Variants in THADA observed in about 807,000 individuals in gnomAD.
THADA encodes the protein tRNA (32-2'-O)-methyltransferase regulator THADA.
A neutral mutation model predicts 219.8 loss-of-function variants in THADA; 213 were observed. The observed-to-expected ratio is 0.97, with a 90% CI of 0.87 to 1.09. The LOEUF (loss-of-function observed/expected upper bound fraction) is 1.09. Among genes scored for constraint, THADA ranks in the 50% least tolerant of loss-of-function variants. The probability of loss-of-function intolerance (pLI) is 0.00; values close to 1 mark genes in which losing one functional copy is unlikely to be tolerated. For missense variants in THADA, 2,956 were observed against 2,311.3 expected, an observed-to-expected ratio of 1.28 and a Z score of -5.72; for synonymous variants, 1,018 against 828.9, an observed-to-expected ratio of 1.23 and a Z score of -3.92.
intron 36 of THADA, among the ~76,000 whole-genome samples, chr2:43,258,503 C>T (rs562796427): frequency 6.6e-6 from 1 of 152,172 alleles, no homozygotes; most frequent in African/African-American, 2.4e-5. Context: ...GCCCAGGCAA[C>T]AAGAGTGAAA....
At chr2:43,262,687 T>C (rs1448336192) in intron 36 of THADA, among the ~76,000 whole-genome samples, 1 of 152,252 alleles carries the variant, frequency 6.6e-6, no homozygotes, top group Non-Finnish European at 1.5e-5. Flanking sequence ...TCAGTTATAT[T>C]AGTAGTTACT....
At chr2:43,299,517 C>T (rs960810493) in intron 31 of THADA, among the ~76,000 whole-genome samples, 2 of 151,586 alleles carry the variant, frequency 1.3e-5, no homozygotes, top group African/African-American at 4.9e-5. Flanking sequence ...CAAAAATTAG[C>T]TGGGCGTGAT....
At chr2:43,318,547 C>T (rs1020733508) in intron 31 of THADA, among the ~76,000 whole-genome samples, 2 of 151,970 alleles carry the variant, frequency 1.3e-5, no homozygotes, top group Non-Finnish European at 2.9e-5. Flanking sequence ...TTGGACCAAC[C>T]ACATCTCAAG....
intron 26 of THADA, among the ~76,000 whole-genome samples, chr2:43,469,841 T>C (rs1684693431): frequency 1.3e-5 from 2 of 152,218 alleles, no homozygotes; most frequent in African/African-American, 2.4e-5. Context: ...TAGATGGGTA[T>C]GACTTTAGAC....
chr2:43,586,287 T>A lies in THADA; in HGVS notation c.533+114A>T, dbSNP rs967255604. 3 of 877,304 alleles carry A rather than the reference T, an allele frequency of 3.4e-6. No individual in the cohort carries two copies. In the African/African-American group the frequency reaches 5.3e-5, roughly 16 times the overall value. 54.3% of individuals were successfully genotyped at this position (877,304 alleles called of 1,614,324 possible). The stretch of plus-strand genomic sequence containing the variant: ...CTCAAAAAAAATATAAAAGTGATAA[T>A]ATTAATGAAAAGGGATGAAAAGATC... On this transcript the variant is annotated intron_variant, in intron 7 of 37. Coordinates refer to ENST00000405975, the MANE Select transcript of THADA (RefSeq NM_022065.5).
intron 29 of THADA, among the ~76,000 whole-genome samples, chr2:43,348,060 G>A (rs139311946): frequency 2.0e-5 from 3 of 152,242 alleles, no homozygotes; most frequent in East Asian, 1.9e-4. Context: ...TGAAACCAGC[G>A]GCTCAAAACC....
intron 21 of THADA, among the ~76,000 whole-genome samples, chr2:43,530,873 A>G (rs1378857575): frequency 6.6e-6 from 1 of 152,250 alleles, no homozygotes; most frequent in East Asian, 1.9e-4. Flanking sequence ...TCCTGGGCAC[A>G]GAAAACAGAT....
intron 29 of THADA, among the ~76,000 whole-genome samples, chr2:43,392,191 A>G (rs749616451): frequency 1.3e-5 from 2 of 152,234 alleles, no homozygotes; most frequent in Non-Finnish European, 2.9e-5. Context: ...TGTAGTTTTA[A>G]GAAATATAAA....
chr2:43,535,010 A>AT (rs1223667163), intron 21 of THADA, among the ~76,000 whole-genome samples: 1 of 151,554 alleles, frequency 6.6e-6, no homozygotes, highest in Non-Finnish European at 1.5e-5. Flanking sequence ...ATCATTTGTT[A>AT]TTTTTTTGTC....
chr2:43,491,768 T>C (rs1382416185), intron 25 of THADA, among the ~76,000 whole-genome samples: 1 of 152,182 alleles, frequency 6.6e-6, no homozygotes, highest in African/African-American at 2.4e-5. Context: ...AAACAACAGA[T>C]TTCTCAGAAT....
intron 30 of THADA, among the ~76,000 whole-genome samples, chr2:43,338,508 T>C (rs1164058729): frequency 1.3e-5 from 2 of 152,158 alleles, no homozygotes; most frequent in Non-Finnish European, 2.9e-5. Flanking sequence ...CATTAAACAA[T>C]GCCCCATTTC....
chr2:43,532,451 A>G (rs2103758089), intron 21 of THADA, among the ~76,000 whole-genome samples: 1 of 151,574 alleles, frequency 6.6e-6, no homozygotes, highest in African/African-American at 2.4e-5. Context: ...TTCAACATAC[A>G]CAAATCAATA....
rs781631410 is a variant in THADA, at chr2:43,398,018, T to C, written c.4180A>G (p.Thr1394Ala). 1.6e-5 allele frequency: 26 copies of C among 1,613,874 alleles called. No homozygotes were observed. Among genetic ancestry groups the C allele is most frequent in the Non-Finnish European group, 2.2e-5 (26 of 1,179,870 alleles). The change falls in exon 29 of 38, where the codon ACT becomes GCT. Residue 1394 changes from threonine to alanine, a missense_variant. Transcript: ENST00000405975. ...RTLLSTLPSC[T>A]DQCFRQNHIH... Reference sequence around the variant, plus strand: ...TGGTTTTGCCGGAAACACTGGTCAGTGCAGCTGGGGAGTGTGGACAACAGA... The same window carrying C: ...TGGTTTTGCCGGAAACACTGGTCAGCGCAGCTGGGGAGTGTGGACAACAGA...
chr2:43,269,083 C>T (rs757722959), intron 36 of THADA, among the ~76,000 whole-genome samples: 65 of 152,312 alleles, frequency 4.3e-4, no homozygotes, highest in Middle Eastern at 3.4e-3. Context: ...GCGAAAGTTC[C>T]TGAGGAAAAG....
intron 26 of THADA, among the ~76,000 whole-genome samples, chr2:43,437,333 T>C (rs1307802829): frequency 2.0e-5 from 3 of 152,176 alleles, no homozygotes; most frequent in South Asian, 4.1e-4. Flanking sequence ...TTGGACTAAA[T>C]GGAAAGGTCA....
chr2:43,442,681 G>C (rs1293255808), intron 26 of THADA, among the ~76,000 whole-genome samples: 3 of 152,104 alleles, frequency 2.0e-5, no homozygotes, highest in Admixed American at 6.5e-5. Context: ...CTGAACAGGA[G>C]AGATATGTTA....
chr2:43,230,876 TCAA>T lies in THADA; in HGVS notation c.*69_*71del. 3 of 1,499,664 alleles carry T rather than the reference TCAA, an allele frequency of 2.0e-6. No homozygotes were observed. In the South Asian group the frequency reaches 4.1e-5, roughly 21 times the overall value. 92.9% of individuals were successfully genotyped at this position (1,499,664 alleles called of 1,614,324 possible). The stretch of plus-strand genomic sequence containing the variant: ...TGGGATAAAATTTTTGAATTTATGT[TCAA>T]CATGTTTCCTGCAGATTTAGTGGAG... On this transcript the variant is annotated 3_prime_UTR_variant, in exon 38 of 38. Coordinates refer to ENST00000405975, the MANE Select transcript of THADA (RefSeq NM_022065.5).
rs150316211 is a variant in THADA, at chr2:43,312,169, T to A, written c.4438+8277A>T. ...ATGAGGTTGAGGCTGCAGCGAGCCA[T>A]GACTGTGCCACTGCACTCCAGCCTG... is the stretch of plus-strand genomic sequence containing the variant. On this transcript the variant is annotated intron_variant, in intron 31 of 37. Transcript: ENST00000405975. Among the ~76,000 whole-genome samples, 383 of 148,694 alleles carry A rather than the reference T, an allele frequency of 2.6e-3. 1 individual carries two copies. Among genetic ancestry groups the A allele is most frequent in the African/African-American group, 9.3e-3 (370 of 39,982 alleles).
intron 34 of THADA, 114 bp from the exon 35 acceptor site, chr2:43,287,175 G>A: frequency 2.2e-6 from 2 of 911,530 alleles, no homozygotes; most frequent in Non-Finnish European, 3.2e-6. Context: ...AGCTCAATGG[G>A]AAGAAAGTTG....
Sources: allele counts gnomAD v4.1 joint callset (sites outside exome capture counted in the v4.1 genomes callset), GRCh38; gene constraint gnomAD v4.1.1; transcripts MANE v1.5; gene names NCBI Gene and HGNC (gene_info 2026-07-23, HGNC 2026-07-21).